Variants in FAM184A observed in about 807,000 individuals in gnomAD.
FAM184A encodes protein FAM184A.
Under a neutral mutation model 143.8 loss-of-function variants are expected in FAM184A, and 99 were observed. The ratio of observed to expected loss-of-function variants is 0.69; its 90% CI spans 0.58 to 0.81. The LOEUF (loss-of-function observed/expected upper bound fraction) is 0.81, where lower values mean the gene tolerates loss of function less well. FAM184A is among the 40% of genes least tolerant of loss of function. FAM184A has a pLI of 0.00. For synonymous variants in FAM184A, 427 were observed against 446.4 expected, an observed-to-expected ratio of 0.96 and a Z score of 0.55; for missense variants, 1,217 against 1,310.5, an observed-to-expected ratio of 0.93 and a Z score of 1.10.
At chr6:119,112,108 A>G (rs1788948619) in intron 1 of FAM184A, among the ~76,000 whole-genome samples, 1 of 151,614 alleles carries the variant, frequency 6.6e-6, no homozygotes, top group South Asian at 2.1e-4. Context: ...TGTGGGAATG[A>G]TCATATTTCT....
intron 5 of FAM184A, among the ~76,000 whole-genome samples, chr6:119,016,019 G>A (rs919862876): frequency 8.5e-5 from 13 of 152,246 alleles, no homozygotes; most frequent in African/African-American, 3.1e-4. Flanking sequence ...TCAGCACCCT[G>A]TGTTTAGCTC....
At chr6:119,041,332 A>C (rs1786320287) in intron 1 of FAM184A, among the ~76,000 whole-genome samples, 1 of 152,168 alleles carries the variant, frequency 6.6e-6, no homozygotes, top group South Asian at 2.1e-4. Flanking sequence ...AGAATCCCTA[A>C]ACCCAGCTGG....
intron 1 of FAM184A, among the ~76,000 whole-genome samples, chr6:119,045,664 T>C (rs111583488): frequency 2.0e-4 from 30 of 152,192 alleles, no homozygotes; most frequent in African/African-American, 7.0e-4. Flanking sequence ...CATATACAGA[T>C]AGAAGATGCA....
chr6:119,104,829 G>T (rs1788736900), intron 1 of FAM184A, among the ~76,000 whole-genome samples: 1 of 152,146 alleles, frequency 6.6e-6, no homozygotes, highest in African/African-American at 2.4e-5. Context: ...ACCTCAACTA[G>T]GTGATCAAGG....
At chr6:119,069,233 T>C (rs573457427) in intron 1 of FAM184A, 4 of 205,294 alleles carry the variant, frequency 1.9e-5, no homozygotes, top group Admixed American at 5.6e-5. Flanking sequence ...ACCAAACACA[T>C]AGACCTATAT....
intron 1 of FAM184A, among the ~76,000 whole-genome samples, chr6:119,055,352 T>C (rs1786925718): frequency 6.6e-6 from 1 of 152,210 alleles, no homozygotes; most frequent in African/African-American, 2.4e-5. Context: ...AATGCTGCTG[T>C]GATCGTTTGT....
At chr6:119,094,235 C>T (rs1353308126) in intron 1 of FAM184A, among the ~76,000 whole-genome samples, 1 of 152,038 alleles carries the variant, frequency 6.6e-6, no homozygotes, top group South Asian at 2.1e-4. Context: ...CTGTGCCTGG[C>T]CCGACTGCCG....
chr6:118,971,682 T>G (rs2114558252), intron 14 of FAM184A, among the ~76,000 whole-genome samples: 1 of 152,318 alleles, frequency 6.6e-6, no homozygotes, highest in African/African-American at 2.4e-5. Flanking sequence ...CTGAAAAATC[T>G]AAAACTTTAA....
chr6:119,138,592 AC>A (rs1772100452), intron 1 of FAM184A, among the ~76,000 whole-genome samples: 1 of 137,098 alleles, frequency 7.3e-6, no homozygotes, highest in Admixed American at 8.1e-5. Flanking sequence ...TCGCTCTTTC[AC>A]TTATTATTAT....
At chr6:119,073,063 A>G (rs1322219018) in intron 1 of FAM184A, among the ~76,000 whole-genome samples, 1 of 152,220 alleles carries the variant, frequency 6.6e-6, no homozygotes, top group Non-Finnish European at 1.5e-5. Flanking sequence ...CTTACAGTCA[A>G]ATTATGAAAA....
intron 1 of FAM184A, among the ~76,000 whole-genome samples, chr6:119,051,839 G>A (rs977032534): frequency 1.3e-5 from 2 of 152,186 alleles, no homozygotes; most frequent in Admixed American, 6.5e-5. Flanking sequence ...AAGTTAATGA[G>A]GTGAGTCAGG....
chr6:118,979,855 C>G (rs2114580549), intron 10 of FAM184A, among the ~76,000 whole-genome samples: 1 of 148,604 alleles, frequency 6.7e-6, no homozygotes, highest in East Asian at 2.0e-4. Flanking sequence ...CCAGCCTGGG[C>G]AACATAGCGA....
At chr6:119,106,265 G>A (rs1194093510) in intron 1 of FAM184A, among the ~76,000 whole-genome samples, 3 of 151,506 alleles carry the variant, frequency 2.0e-5, no homozygotes, top group Admixed American at 6.6e-5. Context: ...GGTGGTGCGC[G>A]CCTGTAGCCC....
At chr6:118,979,550 A>G (rs769355978) in intron 10 of FAM184A, 32 bp from the exon 11 acceptor site, 1 of 1,523,498 alleles carries the variant, frequency 6.6e-7, no homozygotes, top group Non-Finnish European at 8.9e-7. Context: ...TTATTATGCT[A>G]GAATATAGGA....
chr6:119,019,646 C>T (rs968202527), intron 4 of FAM184A, among the ~76,000 whole-genome samples: 2 of 152,134 alleles, frequency 1.3e-5, no homozygotes, highest in South Asian at 2.1e-4. Flanking sequence ...CATGGATATG[C>T]AGTAATATAT....
At chr6:119,050,900 A>G in intron 1 of FAM184A, among the ~76,000 whole-genome samples, 1 of 152,218 alleles carries the variant, frequency 6.6e-6, no homozygotes, top group Non-Finnish European at 1.5e-5. Context: ...ACTCAGGAAA[A>G]GAAAACCAAA....
intron 1 of FAM184A, among the ~76,000 whole-genome samples, chr6:119,138,649 G>A (rs1180521866): frequency 4.7e-5 from 7 of 150,526 alleles, no homozygotes; most frequent in Non-Finnish European, 7.4e-5. Flanking sequence ...TTTTTGAGAC[G>A]GAGTTTGGTT....
chr6:119,061,267 G>A (rs994691297), intron 1 of FAM184A, among the ~76,000 whole-genome samples: 2 of 152,164 alleles, frequency 1.3e-5, no homozygotes, highest in African/African-American at 2.4e-5. Context: ...ACCTTTGGTT[G>A]ATGAACTGTG....
intron 1 of FAM184A, among the ~76,000 whole-genome samples, chr6:119,045,291 A>T (rs1333083930): frequency 7.0e-6 from 1 of 143,262 alleles, no homozygotes; most frequent in Admixed American, 6.9e-5. Flanking sequence ...CAGTTTCTCA[A>T]TTTTTTTTTT....
Sources: allele counts gnomAD v4.1 joint callset (sites outside exome capture counted in the v4.1 genomes callset), GRCh38; gene constraint gnomAD v4.1.1; transcripts MANE v1.5; gene names NCBI Gene and HGNC (gene_info 2026-07-23, HGNC 2026-07-21).